The following TOP6BL variants were observed in gnomAD, a reference collection of about 807,000 sequenced individuals.
TOP6BL encodes the protein TOP6B like initiator of meiotic double strand breaks, also known as type 2 DNA topoisomerase 6 subunit B-like.
chr11:66,753,870 A>G, the TOP6BL span, among the ~76,000 whole-genome samples: 1 of 151,924 alleles, frequency 6.6e-6, no homozygotes, highest in Non-Finnish European at 1.5e-5. Flanking sequence ...ACACCCAGCT[A>G]ATTTTTATAT....
chr11:66,768,664 T>A, the TOP6BL span, among the ~76,000 whole-genome samples: 3 of 151,352 alleles, frequency 2.0e-5, no homozygotes, highest in Non-Finnish European at 4.4e-5. Flanking sequence ...GATTTTTGTT[T>A]TTTGTTTTTT....
chr11:66,804,101 T>C, the TOP6BL span: 6 of 1,613,962 alleles, frequency 3.7e-6, no homozygotes, highest in South Asian at 5.5e-5. Flanking sequence ...CATGGACTTG[T>C]TGGGAGAACT....
At chr11:66,756,755 A>G in the TOP6BL span, among the ~76,000 whole-genome samples, 46 of 152,162 alleles carry the variant, frequency 3.0e-4, no homozygotes, top group Non-Finnish European at 5.4e-4. Context: ...TGTGTTGCCA[A>G]GGGTGGAGTG....
At chr11:66,755,207 GCC>G in the TOP6BL span, among the ~76,000 whole-genome samples, 3 of 150,990 alleles carry the variant, frequency 2.0e-5, no homozygotes, top group African/African-American at 7.3e-5. Context: ...TTCAACCTCC[GCC>G]TCCTGGGTTC....
chr11:66,793,078 ATT>A, the TOP6BL span, among the ~76,000 whole-genome samples: 2 of 149,466 alleles, frequency 1.3e-5, no homozygotes, highest in African/African-American at 4.9e-5. Flanking sequence ...TCCCCCATCC[ATT>A]TTGGTAATAA....
the TOP6BL span, among the ~76,000 whole-genome samples, chr11:66,769,068 C>A: frequency 6.6e-6 from 1 of 152,184 alleles, no homozygotes; most frequent in Non-Finnish European, 1.5e-5. Flanking sequence ...ACACATCTTT[C>A]ATCTTCTCAG....
At chr11:66,744,834 C>CGGCGGCGGCG in the TOP6BL span, 1 of 1,326,698 alleles carries the variant, frequency 7.5e-7, no homozygotes, top group Non-Finnish European at 9.7e-7. Flanking sequence ...GCGGCGGCGG[C>CGGCGGCGGCG]GGCGGCGGCG....
chr11:66,762,220 C>A, the TOP6BL span: 1 of 620,368 alleles, frequency 1.6e-6, no homozygotes. Context: ...GTGCAGGGCC[C>A]GCGAGGCCGC....
the TOP6BL span, among the ~76,000 whole-genome samples, chr11:66,800,283 TAGAC>T: frequency 3.3e-5 from 5 of 152,144 alleles, no homozygotes; most frequent in Non-Finnish European, 7.4e-5. Flanking sequence ...AAGTTTCAGT[TAGAC>T]AGGAGGAATA....
At chr11:66,799,132 G>A in the TOP6BL span, among the ~76,000 whole-genome samples, 1 of 151,280 alleles carries the variant, frequency 6.6e-6, no homozygotes, top group Admixed American at 6.6e-5. Context: ...ACCTGAACCT[G>A]GGAAGTGGAG....
At chr11:66,744,828 C>CGGCGGCGGCGGCGGCG in the TOP6BL span, 1 of 1,313,836 alleles carries the variant, frequency 7.6e-7, no homozygotes. Flanking sequence ...GGGGCGGCGG[C>CGGCGGCGGCGGCGGCG]GGCGGCGGCG....
At chr11:66,762,886 C>T in the TOP6BL span, among the ~76,000 whole-genome samples, 1 of 152,158 alleles carries the variant, frequency 6.6e-6, no homozygotes. Flanking sequence ...TTTGAAACTT[C>T]TTTTCTGAAG....
chr11:66,763,756 C>T, the TOP6BL span, among the ~76,000 whole-genome samples: 1 of 152,064 alleles, frequency 6.6e-6, no homozygotes, highest in Non-Finnish European at 1.5e-5. Flanking sequence ...ATGTGCACAC[C>T]TCCATGCCCA....
the TOP6BL span, among the ~76,000 whole-genome samples, chr11:66,797,165 A>G: frequency 6.6e-6 from 1 of 151,448 alleles, no homozygotes; most frequent in Non-Finnish European, 1.5e-5. Flanking sequence ...ATGCCCGGCT[A>G]ATTTTTGTAT....
the TOP6BL span, among the ~76,000 whole-genome samples, chr11:66,809,161 G>T: frequency 2.0e-5 from 3 of 152,202 alleles, no homozygotes; most frequent in African/African-American, 4.8e-5. Flanking sequence ...AGCCAGGATG[G>T]CTGAGACAGA....
chr11:66,822,562 A>G, the TOP6BL span: 2 of 1,539,552 alleles, frequency 1.3e-6, no homozygotes, highest in Admixed American at 2.0e-5. Context: ...TATGTTCCCC[A>G]GGCTCAGCAG....
chr11:66,812,164 C>T, the TOP6BL span, among the ~76,000 whole-genome samples: 1 of 148,750 alleles, frequency 6.7e-6, no homozygotes, highest in Admixed American at 6.7e-5. Flanking sequence ...CAAACACTCC[C>T]CTCTTATTCT....
chr11:66,837,144 T>C, the TOP6BL span, among the ~76,000 whole-genome samples: 1 of 152,254 alleles, frequency 6.6e-6, no homozygotes, highest in East Asian at 1.9e-4. Flanking sequence ...TTTATTTTCT[T>C]GAGACAGAGT....
At chr11:66,796,814 A>G in the TOP6BL span, among the ~76,000 whole-genome samples, 2 of 150,612 alleles carry the variant, frequency 1.3e-5, no homozygotes, top group African/African-American at 4.9e-5. Context: ...ACAACTTTCA[A>G]CTTTCAATAT....
Sources: allele counts gnomAD v4.1 joint callset (sites outside exome capture counted in the v4.1 genomes callset), GRCh38; gene constraint gnomAD v4.1.1; transcripts MANE v1.5; gene names NCBI Gene and HGNC (gene_info 2026-07-23, HGNC 2026-07-21).